Variants in CYS1 observed in about 807,000 individuals in gnomAD.
The protein encoded by CYS1 is cystin 1.
CYS1 carries 5 observed loss-of-function variants against 9.6 expected under a neutral mutation model. The observed-to-expected ratio is 0.52, with a 90% CI of 0.27 to 1.10. The LOEUF (loss-of-function observed/expected upper bound fraction) is 1.10, where lower values mean the gene tolerates loss of function less well. CYS1 is among the 50% of genes least tolerant of loss of function. CYS1 has a pLI of 0.11. For missense variants in CYS1, 221 were observed against 207.9 expected, an observed-to-expected ratio of 1.06 and a Z score of -0.39; for synonymous variants, 88 against 95.7, an observed-to-expected ratio of 0.92 and a Z score of 0.47.
In CYS1 at chr2:10,076,242, C is replaced by A. The variant is rs1006840767; in HGVS notation, c.318+3664G>T. On this transcript the variant is annotated intron_variant, in intron 1 of 2. Coordinates refer to ENST00000381813, the MANE Select transcript of CYS1 (RefSeq NM_001037160.3). This position sits in a 1 kb window ranked among gnomAD's most constrained non-coding sequence, Gnocchi z 4.3. Reference sequence around the variant, plus strand: ...TGTCTACTTGATTAAACCAAAATTTCTTCTCCAAGGGTTCCTTCAAATTTC... The same window carrying A: ...TGTCTACTTGATTAAACCAAAATTTATTCTCCAAGGGTTCCTTCAAATTTC... 6.6e-6 allele frequency among the ~76,000 whole-genome samples: 1 copy of A among 152,164 alleles called. No homozygotes were observed. Among genetic ancestry groups the A allele is most frequent in the Non-Finnish European group, 1.5e-5 (1 of 68,024 alleles).
At chr2:10,073,107 G>A (rs144533943) in intron 1 of CYS1, among the ~76,000 whole-genome samples, 1 of 151,788 alleles carries the variant, frequency 6.6e-6, no homozygotes, top group African/African-American at 2.4e-5. Context: ...TGTGGGAGTG[G>A]TGCAGATGGG....
rs768221819 is a variant in CYS1, at chr2:10,065,914, T to G, written c.361A>C (p.Asn121His). The G allele has an allele frequency of 8.1e-6, 13 of 1,614,184 alleles. 1 individual carries two copies. In the South Asian group the frequency reaches 1.4e-4, roughly 18 times the overall value. Residue 121 changes from asparagine (N) to histidine (H), a missense_variant, in exon 2 of 3, where the codon AAT becomes CAT. Coordinates refer to ENST00000381813, the MANE Select transcript of CYS1 (RefSeq NM_001037160.3). The stretch of plus-strand genomic sequence containing the variant: ...CTCCCTGGTACTTACTCAGAGACAT[T>G]GCCGCTCCCCGGGTGGCCCTCTGTG... ...QSTEGHPGSG[N>H]VSEAPGSGRK...
At chr2:10,079,480 G>T (rs968160590) in intron 1 of CYS1, among the ~76,000 whole-genome samples, 1 of 152,210 alleles carries the variant, frequency 6.6e-6, no homozygotes, top group Non-Finnish European at 1.5e-5. Flanking sequence ...AAAAATATCA[G>T]TAACATGAGA....
At chr2:10,062,339 CAT>C (rs1661638826) in intron 2 of CYS1, among the ~76,000 whole-genome samples, 1 of 152,166 alleles carries the variant, frequency 6.6e-6, no homozygotes, top group African/African-American at 2.4e-5. Flanking sequence ...CAGAAACCCA[CAT>C]GTTAAATGAG....
rs2125293495 is a variant in CYS1, at chr2:10,080,055, C to T, written c.169G>A (p.Asp57Asn). 2.9e-6 allele frequency: 3 copies of T among 1,043,360 alleles called. No homozygotes were observed. The highest frequency in any genetic ancestry group is 7.9e-5 in the East Asian group (1 of 12,656). 64.6% of individuals were successfully genotyped at this position (1,043,360 alleles called of 1,614,324 possible). A position where few individuals can be genotyped will look rare whatever the true frequency, so the allele number is the denominator to read the frequency against. The change falls in exon 1 of 3, where the codon GAC becomes AAC. Residue 57 changes from aspartate (D) to asparagine (N), a missense_variant. Coordinates refer to ENST00000381813, the MANE Select transcript of CYS1 (RefSeq NM_001037160.3). This position sits in a 1 kb window ranked among gnomAD's most constrained non-coding sequence, Gnocchi z 6.4. ...TCGGGGGGCGCCACGGGGCTGGGGT[C>T]GCGGCCGGGCGCCTCCTCCGCGGCT... ...GAAAEEAPGR[D>N]PSPVAPPDGR... is the part of the protein sequence containing the mutation.
chr2:10,071,572 T>C (rs1346290763), intron 1 of CYS1, among the ~76,000 whole-genome samples: 1 of 152,256 alleles, frequency 6.6e-6, no homozygotes, highest in Non-Finnish European at 1.5e-5. Flanking sequence ...CCTGTGTTTT[T>C]CTCTGTGCCT....
intron 1 of CYS1, among the ~76,000 whole-genome samples, chr2:10,069,182 C>T (rs1201698885): frequency 6.6e-6 from 1 of 152,170 alleles, no homozygotes; most frequent in Non-Finnish European, 1.5e-5. Flanking sequence ...TCATCAGTGA[C>T]ACTGGAATCC....
rs926504991 is a variant in CYS1 at position 10,080,257 on chromosome 2, G to T, written c.-34C>A. The T allele has an allele frequency of 2.9e-6, 3 of 1,031,744 alleles. No individual in the cohort carries two copies. Among genetic ancestry groups the T allele is most frequent in the Middle Eastern group, 4.6e-4 (1 of 2,152 alleles). The allele number at this position is 1,031,744 out of a possible 1,614,324, so 63.9% of individuals were successfully genotyped here. A position where few individuals can be genotyped will look rare whatever the true frequency, so the allele number is the denominator to read the frequency against. On this transcript the variant is annotated 5_prime_UTR_variant, in exon 1 of 3. Coordinates refer to ENST00000381813, the MANE Select transcript of CYS1 (RefSeq NM_001037160.3). The surrounding 1 kb of genome is among the most constrained non-coding windows in gnomAD (Gnocchi z 6.4). The stretch of plus-strand genomic sequence containing the variant: ...CGCCGCCTCCCGGACCGCCGAGGGG[G>T]CCCCCATGAGGGGGCGCGGCCGGGG...
chr2:10,063,799 C>G lies in CYS1; in HGVS notation c.371+2105G>C, dbSNP rs1363671198. ...GGGTACAGGGCAGATGCTGCCAGCC[C>G]TGACCCTGGGGCAGGACTGCTGGGA... is the stretch of plus-strand genomic sequence containing the variant. On this transcript the variant is annotated intron_variant, in intron 2 of 2. Coordinates refer to ENST00000381813, the MANE Select transcript of CYS1 (RefSeq NM_001037160.3). The surrounding 1 kb of genome is among the most constrained non-coding windows in gnomAD (Gnocchi z 4.2). Among the ~76,000 whole-genome samples, 13 of 152,214 alleles carry G rather than the reference C, an allele frequency of 8.5e-5. No homozygotes were observed. The highest frequency in any genetic ancestry group is 3.1e-4 in the African/African-American group (13 of 41,446).
Position 10,076,273 on chromosome 2 carries a change from G to A in CYS1, c.318+3633C>T, listed in dbSNP as rs1018863589. On this transcript the variant is annotated intron_variant, in intron 1 of 2. Transcript: ENST00000381813. The surrounding 1 kb of genome is among the most constrained non-coding windows in gnomAD (Gnocchi z 4.3). ...CAAGGGTTCCTTCAAATTTCACGAG[G>A]GCATCTAATGCTCAAAACCTCCTCT... 6.6e-6 allele frequency among the ~76,000 whole-genome samples: 1 copy of A among 152,036 alleles called. No individual in the cohort carries two copies. The highest frequency in any genetic ancestry group is 1.9e-4 in the East Asian group (1 of 5,192).
intron 1 of CYS1, among the ~76,000 whole-genome samples, chr2:10,068,931 G>A (rs981297380): frequency 2.0e-5 from 3 of 151,998 alleles, no homozygotes; most frequent in African/African-American, 7.3e-5. Context: ...GTGTGGTGGC[G>A]GGCACCTCTA....
rs961852346 is a variant in CYS1, at chr2:10,071,197, C to T, written c.319-5241G>A. On this transcript the variant is annotated intron_variant, in intron 1 of 2. Coordinates refer to ENST00000381813, the MANE Select transcript of CYS1 (RefSeq NM_001037160.3). ...GGCCACGCTAGTCTCGAACTTTTGA[C>T]CTCAGGCCGTCCACCGGCCTCGGCC... 5.3e-5 allele frequency among the ~76,000 whole-genome samples: 8 copies of T among 152,106 alleles called. No individual in the cohort carries two copies. The South Asian group carries it at 1.7e-3, about 32-fold the overall frequency.
At chr2:10,064,746 C>T (rs1049367092) in intron 2 of CYS1, among the ~76,000 whole-genome samples, 1 of 151,924 alleles carries the variant, frequency 6.6e-6, no homozygotes, top group Admixed American at 6.6e-5. Context: ...GAGACAGAGT[C>T]TCCCTCTGTC....
intron 1 of CYS1, among the ~76,000 whole-genome samples, chr2:10,075,784 C>G (rs1296014342): frequency 2.0e-5 from 3 of 152,198 alleles, no homozygotes; most frequent in Non-Finnish European, 1.5e-5. Flanking sequence ...GCCCGAGACT[C>G]TCTTGCAAAA....
chr2:10,071,494 C>T lies in CYS1; in HGVS notation c.319-5538G>A, dbSNP rs193003850. Among the ~76,000 whole-genome samples, 272 of 152,348 alleles carry T rather than the reference C, an allele frequency of 1.8e-3. 2 individuals carry two copies. Among genetic ancestry groups the T allele is most frequent in the African/African-American group, 6.2e-3 (256 of 41,594 alleles). On this transcript the variant is annotated intron_variant, in intron 1 of 2. Coordinates refer to ENST00000381813, the MANE Select transcript of CYS1 (RefSeq NM_001037160.3). Reference sequence around the variant, plus strand: ...GAATGCCATCCAGTGCGTGAACGGCCCCCCAGAGCGGACGCAGGAGGAAGC... The same window carrying T: ...GAATGCCATCCAGTGCGTGAACGGCTCCCCAGAGCGGACGCAGGAGGAAGC...
chr2:10,074,091 TTCCCCACCCATCCACACGCTC>T (rs1419840552), intron 1 of CYS1, among the ~76,000 whole-genome samples: 2 of 152,116 alleles, frequency 1.3e-5, no homozygotes, highest in Non-Finnish European at 2.9e-5. Flanking sequence ...CTTGGCATCC[TTCCCCACCCATCCACACGCTC>T]TCCCTCAGCA....
intron 1 of CYS1, among the ~76,000 whole-genome samples, chr2:10,069,465 T>A (rs1465248484): frequency 1.3e-5 from 2 of 151,890 alleles, no homozygotes; most frequent in Non-Finnish European, 2.9e-5. Context: ...GCCTCCTGAG[T>A]TCAAGCGATT....
chr2:10,058,921 C>T lies in CYS1; in HGVS notation c.409G>A (p.Ala137Thr). Residue 137 changes from alanine (A) to threonine (T), a missense_variant, in exon 3 of 3, where the codon GCA (alanine) becomes ACA (threonine). By Grantham distance (58) the Ala-to-Thr change is moderately conservative. Transcript: ENST00000381813. Reference sequence around the variant, plus strand: ...TCCGAGTGGTCGTAGGAGATGGCTGCCGGCCTCTCGGGCTTCTTGCGACCG... The same window carrying T: ...TCCGAGTGGTCGTAGGAGATGGCTGTCGGCCTCTCGGGCTTCTTGCGACCG... ...GSGRKKPERP[A>T]AISYDHSEEG... 1 of 1,594,556 alleles carries T rather than the reference C, an allele frequency of 6.3e-7. No individual in the cohort carries two copies. Among genetic ancestry groups the T allele is most frequent in the South Asian group, 1.1e-5 (1 of 87,730 alleles).
chr2:10,061,583 TCTC>T (rs1248606620), intron 2 of CYS1, among the ~76,000 whole-genome samples: 1 of 152,138 alleles, frequency 6.6e-6, no homozygotes, highest in Non-Finnish European at 1.5e-5. Flanking sequence ...ACACAGCCAT[TCTC>T]CTCACTCGTC....
Sources: allele counts gnomAD v4.1 joint callset (sites outside exome capture counted in the v4.1 genomes callset), GRCh38; gene constraint gnomAD v4.1.1; non-coding constraint Gnocchi (gnomAD v3.1); transcripts MANE v1.5; gene names NCBI Gene and HGNC (gene_info 2026-07-23, HGNC 2026-07-21).